RIMS2: variants seen among roughly 807,000 people sequenced by gnomAD.
The protein encoded by RIMS2 is regulating synaptic membrane exocytosis 2, also known as regulating synaptic membrane exocytosis protein 2.
A neutral mutation model predicts 174.4 loss-of-function variants in RIMS2; 59 were observed. The observed-to-expected ratio is 0.34, with a 90% CI of 0.27 to 0.42. RIMS2 has a LOEUF of 0.42. Among genes scored for constraint, RIMS2 ranks in the 10% least tolerant of loss-of-function variants. The pLI is 1.00. For synonymous variants in RIMS2, 606 were observed against 572.5 expected (o/e 1.06, Z -0.84); for missense variants, 1,620 against 1,666.3 (o/e 0.97, Z 0.48).
At chr8:103,664,841 G>T (rs924586418) in intron 1 of RIMS2, among the ~76,000 whole-genome samples, 21 of 152,094 alleles carry the variant, frequency 1.4e-4, no homozygotes, top group African/African-American at 4.3e-4. Context: ...GTTTATTGTG[G>T]CACTATTCAC....
intron 2 of RIMS2, among the ~76,000 whole-genome samples, chr8:103,731,980 T>C (rs570086727): frequency 6.6e-6 from 1 of 152,354 alleles, no homozygotes; most frequent in Non-Finnish European, 1.5e-5. Context: ...TGGATAGTCT[T>C]GGTGCTTGTT....
At chr8:103,910,666 GA>G (rs2075490629) in intron 5 of RIMS2, 137 bp downstream of exon 8, 1 of 510,562 alleles carries the variant, frequency 2.0e-6, no homozygotes, top group Non-Finnish European at 3.4e-6. Context: ...GTGCAGAAAA[GA>G]AAAACAAAAC....
rs1182199544 is a variant in RIMS2, at chr8:103,815,746, A to G, written c.698+49209A>G. On this transcript the variant is annotated intron_variant, in intron 3 of 23. Coordinates refer to ENST00000504942, the Ensembl canonical transcript of RIMS2. ...AATAAGCATGATAAATAAAAGATAC[A>G]TGAACATAATTGTTAGAATTCAGGT... 2.0e-5 allele frequency among the ~76,000 whole-genome samples: 3 copies of G among 152,208 alleles called. No individual in the cohort carries two copies. In the East Asian group the frequency reaches 5.8e-4, roughly 29 times the overall value.
intron 3 of RIMS2, among the ~76,000 whole-genome samples, chr8:103,795,931 A>T (rs1316999192): frequency 1.3e-5 from 2 of 152,226 alleles, no homozygotes; most frequent in East Asian, 1.9e-4. Flanking sequence ...GTAAGTATAT[A>T]CTTCCTCCGA....
rs578047862 is a variant in RIMS2, at chr8:103,811,260, G to A, written c.698+44723G>A. Among the ~76,000 whole-genome samples the A allele has an allele frequency of 2.2e-4, 33 of 152,154 alleles. No individual in the cohort carries two copies. In the South Asian group the frequency reaches 5.0e-3, roughly 23 times the overall value. ...GGAACAAGCAGTCCTAACGCTAAAA[G>A]GATTTTCCAAATTTTTTTTTCAGGG... On this transcript the variant is annotated intron_variant, in intron 3 of 23. Transcript: ENST00000504942.
At chr8:103,989,334 C>T in exon 17 of RIMS2, 1 of 1,612,800 alleles carries the variant, frequency 6.2e-7, no homozygotes, top group Non-Finnish European at 8.5e-7. Context: ...CTTCGAGGGA[C>T]CCGCACTATG....
At chr8:103,768,462 T>C in intron 3 of RIMS2, 1 of 788,022 alleles carries the variant, frequency 1.3e-6, no homozygotes. Context: ...AAACAATGGT[T>C]CCCCATGAAG....
At chr8:103,800,342 T>A (rs1307674356) in intron 3 of RIMS2, among the ~76,000 whole-genome samples, 3 of 152,228 alleles carry the variant, frequency 2.0e-5, no homozygotes, top group African/African-American at 7.2e-5. Flanking sequence ...TATCCTATTT[T>A]ACTGGCTAGT....
At chr8:103,616,394 C>T (rs892249542) in intron 1 of RIMS2, among the ~76,000 whole-genome samples, 3 of 152,126 alleles carry the variant, frequency 2.0e-5, no homozygotes, top group African/African-American at 7.2e-5. Context: ...CCACCTGTGA[C>T]AAACCCACAG....
intron 1 of RIMS2, among the ~76,000 whole-genome samples, chr8:103,587,855 G>C (rs1241184988): frequency 6.6e-6 from 1 of 152,050 alleles, no homozygotes; most frequent in Non-Finnish European, 1.5e-5. Flanking sequence ...ACGTGACAGT[G>C]ATGCCCAGTT....
intron 1 of RIMS2, among the ~76,000 whole-genome samples, chr8:103,530,609 A>C (rs971501519): frequency 1.3e-5 from 2 of 152,204 alleles, no homozygotes; most frequent in Non-Finnish European, 2.9e-5. Context: ...AAATCTGGTG[A>C]AGCTATATTA....
intron 19 of RIMS2, among the ~76,000 whole-genome samples, chr8:104,025,445 C>G (rs960869534): frequency 2.1e-4 from 32 of 152,218 alleles, no homozygotes; most frequent in African/African-American, 7.7e-4. Flanking sequence ...TGTGACTGCA[C>G]CACCACACTC....
At chr8:103,551,039 T>G (rs1394584173) in intron 1 of RIMS2, among the ~76,000 whole-genome samples, 1 of 152,186 alleles carries the variant, frequency 6.6e-6, no homozygotes, top group Non-Finnish European at 1.5e-5. Flanking sequence ...GCTGGTACCA[T>G]TTCTTCTGAA....
intron 19 of RIMS2, 73 bp from the exon 26 acceptor site, chr8:104,244,843 C>T (rs1389865311): frequency 1.6e-6 from 2 of 1,238,962 alleles, no homozygotes; most frequent in South Asian, 1.3e-5. Context: ...CTGATGATCT[C>T]AGAGCCTTCG....
At chr8:103,846,531 A>G (rs1486289165) in intron 3 of RIMS2, among the ~76,000 whole-genome samples, 1 of 152,110 alleles carries the variant, frequency 6.6e-6, no homozygotes, top group East Asian at 1.9e-4. Flanking sequence ...GATGGCTATC[A>G]TTTGAGGTTC....
chr8:103,701,541 AT>A (rs1443450531), intron 2 of RIMS2, among the ~76,000 whole-genome samples: 1 of 151,942 alleles, frequency 6.6e-6, no homozygotes, highest in Non-Finnish European at 1.5e-5. Context: ...ATCTAACTAT[AT>A]TTTTGTACCC....
At chr8:103,520,686 T>C (rs1326437709) in intron 1 of RIMS2, among the ~76,000 whole-genome samples, 3 of 152,120 alleles carry the variant, frequency 2.0e-5, no homozygotes, top group Non-Finnish European at 4.4e-5. Context: ...TAAGCCCTGC[T>C]ATGGACTTAC....
intron 1 of RIMS2, among the ~76,000 whole-genome samples, chr8:103,689,204 G>A (rs2096980589): frequency 6.6e-6 from 1 of 151,690 alleles, no homozygotes; most frequent in African/African-American, 2.4e-5. Context: ...ATTTCATTGT[G>A]GTCAGAGAAG....
intron 3 of RIMS2, among the ~76,000 whole-genome samples, chr8:103,860,303 G>A (rs1403801411): frequency 9.2e-5 from 14 of 152,006 alleles, no homozygotes; most frequent in Non-Finnish European, 1.3e-4. Context: ...ACTCCTTAGT[G>A]GTTCATCTTT....
Sources: allele counts gnomAD v4.1 joint callset (sites outside exome capture counted in the v4.1 genomes callset), GRCh38; gene constraint gnomAD v4.1.1; transcripts MANE v1.5; gene names NCBI Gene and HGNC (gene_info 2026-07-23, HGNC 2026-07-21).